The following DIP2B variants were observed in gnomAD, a reference collection of about 807,000 sequenced individuals.
The protein encoded by DIP2B is DIP2 acetate--CoA ligase B (putative).
Under a neutral mutation model 198.0 loss-of-function variants are expected in DIP2B, and 76 were observed. That is an observed-to-expected ratio of 0.38 (90% confidence interval 0.32 to 0.46). The LOEUF (loss-of-function observed/expected upper bound fraction) is 0.46. Ranked by LOEUF, DIP2B falls within the 20% of genes least tolerant of loss-of-function variation. DIP2B has a pLI of 0.99. For missense variants in DIP2B, 1,559 were observed against 1,978.4 expected (o/e 0.79, Z 4.02); for synonymous variants, 701 against 739.1 (o/e 0.95, Z 0.84).
chr12:50,631,647 G>A (rs1254711817), intron 2 of DIP2B, among the ~76,000 whole-genome samples: 1 of 151,988 alleles, frequency 6.6e-6, no homozygotes, highest in Non-Finnish European at 1.5e-5. Context: ...TGCCCAGGTT[G>A]GTCTCGAACT....
rs541100376 is a variant in DIP2B, at chr12:50,669,845, T to C, written c.428-1341T>C. The stretch of plus-strand genomic sequence containing the variant: ...AGCAGTTTTCCAGCCCCATTGGTTA[T>C]GTATTTGGCTCTTTGAACCAAAGCA... On this transcript the variant is annotated intron_variant, in intron 4 of 37. Transcript: ENST00000301180. 4.1e-4 allele frequency among the ~76,000 whole-genome samples: 62 copies of C among 152,348 alleles called. 1 individual carries two copies. In the South Asian group the frequency reaches 0.012, roughly 31 times the overall value.
At chr12:50,518,282 T>G in intron 1 of DIP2B, among the ~76,000 whole-genome samples, 1 of 150,308 alleles carries the variant, frequency 6.7e-6, no homozygotes, top group East Asian at 2.0e-4. Context: ...TGGAGTGCAA[T>G]AGTGCGACCT....
At chr12:50,518,310 C>CA (rs1593572851) in intron 1 of DIP2B, among the ~76,000 whole-genome samples, 1 of 151,736 alleles carries the variant, frequency 6.6e-6, no homozygotes, top group East Asian at 1.9e-4. Context: ...CTGCAAGCTC[C>CA]GCCCCCTGGG....
chr12:50,641,094 C>T (rs189366861), intron 3 of DIP2B, among the ~76,000 whole-genome samples: 5 of 152,290 alleles, frequency 3.3e-5, no homozygotes, highest in African/African-American at 9.6e-5. Context: ...ATGTGGCTCA[C>T]GCCTGTAACC....
intron 27 of DIP2B, among the ~76,000 whole-genome samples, chr12:50,723,638 C>T (rs559444730): frequency 2.0e-5 from 3 of 152,136 alleles, no homozygotes; most frequent in East Asian, 1.9e-4. Flanking sequence ...GTAGTTCCAG[C>T]GACTCAGGAG....
intron 1 of DIP2B, among the ~76,000 whole-genome samples, chr12:50,616,171 A>G (rs1156926958): frequency 1.3e-5 from 2 of 152,204 alleles, no homozygotes; most frequent in East Asian, 1.9e-4. Context: ...AAGCAATTCT[A>G]TGGTTTGTGT....
intron 23 of DIP2B, among the ~76,000 whole-genome samples, chr12:50,716,808 G>A (rs1229121307): frequency 2.0e-5 from 3 of 151,972 alleles, no homozygotes; most frequent in Non-Finnish European, 2.9e-5. Context: ...TCCGTGAGGC[G>A]GATGACCATG....
intron 12 of DIP2B, among the ~76,000 whole-genome samples, chr12:50,690,465 T>C (rs527423708): frequency 6.6e-6 from 1 of 152,262 alleles, no homozygotes; most frequent in East Asian, 1.9e-4. Flanking sequence ...CTGGGAGGAT[T>C]GCTTGAGCCC....
intron 1 of DIP2B, among the ~76,000 whole-genome samples, chr12:50,566,213 GT>G (rs530424900): frequency 5.0e-4 from 76 of 151,592 alleles, no homozygotes; most frequent in African/African-American, 1.8e-3. Context: ...CAGCTAATTT[GT>G]TTTTTTGTAA....
At chr12:50,528,691 A>C (rs965946590) in intron 1 of DIP2B, among the ~76,000 whole-genome samples, 15 of 152,192 alleles carry the variant, frequency 9.9e-5, no homozygotes, top group African/African-American at 3.4e-4. Context: ...TGAACAGAGA[A>C]GAGTATTTCT....
At chr12:50,718,852 C>G in intron 24 of DIP2B, 34 bp downstream of exon 24, 1 of 1,611,512 alleles carries the variant, frequency 6.2e-7, no homozygotes. Context: ...TTCTTACAGT[C>G]AAGTCAAGGA....
chr12:50,680,716 A>C lies in DIP2B; in HGVS notation c.1159A>C (p.Asn387His), dbSNP rs1182466741. 11 of 1,613,552 alleles carry C rather than the reference A, an allele frequency of 6.8e-6. 1 individual carries two copies. In the South Asian group the frequency reaches 1.2e-4, roughly 18 times the overall value. ...RSLKLAYTLLNKLGTKNEPVL... is the reference protein window; with the variant it reads ...RSLKLAYTLLHKLGTKNEPVL... ...TTTAAAGTTGGCCTACACACTTCTT[A>C]ATAAACTGGGGACCAAAAATGAACC... is the stretch of plus-strand genomic sequence containing the variant. The change falls in exon 9 of 38, where the codon AAT becomes CAT. Residue 387 changes from asparagine to histidine, a missense_variant. Transcript: ENST00000301180.
chr12:50,732,988 C>T (rs945197540), intron 32 of DIP2B, among the ~76,000 whole-genome samples: 2 of 152,080 alleles, frequency 1.3e-5, no homozygotes, highest in South Asian at 2.1e-4. Flanking sequence ...TTACTGCAAC[C>T]TCCACCTCCT....
intron 27 of DIP2B, among the ~76,000 whole-genome samples, chr12:50,723,607 C>T (rs1394264242): frequency 2.0e-5 from 3 of 152,118 alleles, no homozygotes; most frequent in Admixed American, 6.5e-5. Context: ...AAAAGGTAGC[C>T]AGGCATTGTG....
At chr12:50,528,866 A>C (rs1958190896) in intron 1 of DIP2B, among the ~76,000 whole-genome samples, 1 of 152,230 alleles carries the variant, frequency 6.6e-6, no homozygotes, top group African/African-American at 2.4e-5. Context: ...TGCAAACAAA[A>C]GAATGGTTAA....
intron 2 of DIP2B, among the ~76,000 whole-genome samples, chr12:50,627,501 T>G (rs1426322897): frequency 6.6e-6 from 1 of 152,134 alleles, no homozygotes; most frequent in Non-Finnish European, 1.5e-5. Flanking sequence ...ACCCAGTTAA[T>G]TATTTTTTGT....
intron 1 of DIP2B, among the ~76,000 whole-genome samples, chr12:50,566,981 A>AAG (rs1271675009): frequency 6.6e-6 from 1 of 150,900 alleles, no homozygotes; most frequent in East Asian, 1.9e-4. Flanking sequence ...CAAAAAAAAA[A>AAG]AAAAAAAAAA....
At chr12:50,562,282 G>T (rs1958525810) in intron 1 of DIP2B, among the ~76,000 whole-genome samples, 1 of 152,122 alleles carries the variant, frequency 6.6e-6, no homozygotes, top group Admixed American at 6.6e-5. Context: ...CATAGTGAGG[G>T]AGTGTGTATG....
At chr12:50,596,906 A>G (rs901864887) in intron 1 of DIP2B, among the ~76,000 whole-genome samples, 12 of 152,206 alleles carry the variant, frequency 7.9e-5, no homozygotes, top group Admixed American at 7.2e-4. Flanking sequence ...ATTACTTTTT[A>G]TGAAAGAATC....
Sources: gnomAD v4.1 joint callset for allele counts (sites outside exome capture counted in the v4.1 genomes callset) on GRCh38, gnomAD v4.1.1 for gene constraint, MANE v1.5 for transcripts, NCBI Gene and HGNC (gene_info 2026-07-23, HGNC 2026-07-21) for gene names.